Variants in ZNF507 observed in about 807,000 individuals in gnomAD.
The protein encoded by ZNF507 is zinc finger protein 507.
In ZNF507, 29 loss-of-function variants were observed where a neutral mutation model predicts 80.0. That is an observed-to-expected ratio of 0.36 (90% CI 0.27 to 0.49). The LOEUF is 0.49. Among genes scored for constraint, ZNF507 ranks in the 20% least tolerant of loss-of-function variants. The pLI is 0.98. For synonymous variants in ZNF507, 462 were observed against 422.5 expected, an observed-to-expected ratio of 1.09 and a Z score of -1.15; for missense variants, 1,081 against 1,152.2, an observed-to-expected ratio of 0.94 and a Z score of 0.90.
chr19:32,354,692 G>A lies in ZNF507; in HGVS notation c.1862G>A (p.Ser621Asn), dbSNP rs148516792. The change falls in exon 3 of 7, where the codon AGC becomes AAC. Residue 621 changes from serine to asparagine, a missense_variant. Coordinates refer to ENST00000355898, the MANE Select transcript of ZNF507 (RefSeq NM_001136156.2). Reference protein sequence around the residue: ...LQDNAQCQPNSDTSLSGNNVV... With the variant: ...LQDNAQCQPNNDTSLSGNNVV... ...GACAACGCCCAGTGCCAACCCAACA[G>A]CGATACAAGTTTGTCCGGAAACAAT... 404 of 1,614,176 alleles carry A rather than the reference G, an allele frequency of 2.5e-4. No individual in the cohort carries two copies. Among genetic ancestry groups the A allele is most frequent in the Admixed American group, 4.5e-4 (27 of 60,026 alleles).
chr19:32,378,855 G>A (rs1568309970), intron 5 of ZNF507, among the ~76,000 whole-genome samples: 1 of 152,132 alleles, frequency 6.6e-6, no homozygotes, highest in African/African-American at 2.4e-5. Context: ...TTCTGGTGAG[G>A]CCTCGGGACC....
rs188238472 is a variant in ZNF507 at position 32,352,746 on chromosome 19, A to G, written c.-2-83A>G. The G allele has an allele frequency of 2.6e-4, 325 of 1,250,302 alleles. 1 individual carries two copies. The African/African-American group carries it at 4.5e-3, about 17-fold the overall frequency. 77.5% of individuals were successfully genotyped at this position (1,250,302 alleles called of 1,614,324 possible). On this transcript the variant is annotated intron_variant, in intron 2 of 6. Coordinates refer to ENST00000355898, the MANE Select transcript of ZNF507 (RefSeq NM_001136156.2). Reference sequence around the variant, plus strand: ...ATACTTAGATGAGATTACAGACACTAACATTCTCTTATATTTTCCAAATTA... The same window carrying G: ...ATACTTAGATGAGATTACAGACACTGACATTCTCTTATATTTTCCAAATTA...
Position 32,387,047 on chromosome 19 carries a change from T to C in ZNF507, c.*3964T>C, listed in dbSNP as rs1003682910. ...CACGAAGATAAACTGAATAAGCATT[T>C]AGCTTTTTAAATCATTTTAAAAATT... On this transcript the variant is annotated 3_prime_UTR_variant, in exon 7 of 7. Coordinates refer to ENST00000355898, the MANE Select transcript of ZNF507 (RefSeq NM_001136156.2). The C allele has an allele frequency of 6.6e-6, 1 of 152,246 alleles. No individual in the cohort carries two copies. The highest frequency in any genetic ancestry group is 2.4e-5 in the African/African-American group (1 of 41,478). The allele number at this position is 152,246 out of a possible 1,614,324, so 9.4% of individuals were successfully genotyped here. A position where few individuals can be genotyped will look rare whatever the true frequency, so the allele number is the denominator to read the frequency against.
chr19:32,362,831 G>A (rs993514212), intron 5 of ZNF507, among the ~76,000 whole-genome samples: 4 of 152,180 alleles, frequency 2.6e-5, no homozygotes, highest in South Asian at 2.1e-4. Context: ...TTGTCACTGG[G>A]TTTGGTGTGG....
Position 32,387,139 on chromosome 19 carries a change from A to C in ZNF507, c.*4056A>C, listed in dbSNP as rs754186193. The C allele has an allele frequency of 2.6e-5, 4 of 152,174 alleles. No homozygotes were observed. The highest frequency in any genetic ancestry group is 5.9e-5 in the Non-Finnish European group (4 of 68,030). The allele number at this position is 152,174 out of a possible 1,614,324, so 9.4% of individuals were successfully genotyped here. On this transcript the variant is annotated 3_prime_UTR_variant, in exon 7 of 7. Transcript: ENST00000355898. ...TTTCTCTTCCAAATGTGACACGCTT[A>C]TATGCTTTCAATTCTGATATAGTCA...
rs1411568386 is a variant in ZNF507, at chr19:32,354,901, C to T, written c.2071C>T (p.His691Tyr). Residue 691 changes from histidine to tyrosine, a missense_variant, in exon 3 of 7, where the codon CAC becomes TAC. His to Tyr is a moderately conservative substitution (Grantham distance 83). This residue lies in a region of ZNF507 where 614 missense variants were observed against 583.9 expected (regional missense o/e 1.05). Transcript: ENST00000355898. ...AGATTTGGAGAGTCACATGATCCAC[C>T]ACTGTAAGACAAGAATATACCAGTG... ...SKDLESHMIH[H>Y]CKTRIYQCKQ... is the part of the protein sequence containing the mutation. 1 of 1,614,032 alleles carries T rather than the reference C, an allele frequency of 6.2e-7. No individual in the cohort carries two copies.
At position 32,353,375 on chromosome 19, in the gene ZNF507, C is replaced by T. The variant is rs778559154; in HGVS notation, c.545C>T (p.Ala182Val). The change falls in exon 3 of 7, where the codon GCC (alanine) becomes GTC (valine). Residue 182 changes from alanine (A) to valine (V), a missense_variant. Ala to Val is a moderately conservative substitution (Grantham distance 64). This residue lies in a region of ZNF507 where 275 missense variants were observed against 303.9 expected (regional missense o/e 0.90). Transcript: ENST00000355898. ...AHVVNDHDNDANIHTQSKAQQ... is the reference protein window; with the variant it reads ...AHVVNDHDNDVNIHTQSKAQQ... Reference sequence around the variant, plus strand: ...GTGGTGAATGACCATGACAATGATGCCAATATCCACACCCAATCCAAAGCC... The same window carrying T: ...GTGGTGAATGACCATGACAATGATGTCAATATCCACACCCAATCCAAAGCC... The T allele has an allele frequency of 6.2e-7, 1 of 1,614,180 alleles. No individual in the cohort carries two copies. Among genetic ancestry groups the T allele is most frequent in the South Asian group, 1.1e-5 (1 of 91,078 alleles).
At chr19:32,360,387 G>A (rs973245062) in intron 4 of ZNF507, 117 bp from the exon 5 acceptor site, 50 of 501,472 alleles carry the variant, frequency 1.0e-4, no homozygotes, top group South Asian at 1.5e-4. Context: ...TGAGAAAGCC[G>A]TGATTGAAAT....
rs1797868169 is a variant in ZNF507, at chr19:32,349,744, C to T, written c.-3+2406C>T. On this transcript the variant is annotated intron_variant, in intron 2 of 6. Transcript: ENST00000355898. The stretch of plus-strand genomic sequence containing the variant: ...AAGGATTGGCCTTAAGGTAACTTCC[C>T]CTCTGTGTATACTTTATTATGATCT... Among the ~76,000 whole-genome samples, 4 of 152,106 alleles carry T rather than the reference C, an allele frequency of 2.6e-5. No individual in the cohort carries two copies. In the South Asian group the frequency reaches 6.2e-4, roughly 24 times the overall value.
At chr19:32,348,285 C>T (rs1413951177) in intron 2 of ZNF507, among the ~76,000 whole-genome samples, 1 of 143,794 alleles carries the variant, frequency 7.0e-6, no homozygotes, top group Non-Finnish European at 1.5e-5. Flanking sequence ...ATTTATTGGC[C>T]ATTACTTTTA....
rs1967212313 is a variant in ZNF507 at position 32,354,062 on chromosome 19, A to G, written c.1232A>G (p.Gln411Arg). ...CCAAGTGCTGAAGAAACCCTTTCAC[A>G]GAAGCGCTTCCTCATGAACACTGAA... The part of the protein sequence containing the change: ...RLPSAEETLS[Q>R]KRFLMNTEME... Residue 411 changes from glutamine (Q) to arginine (R), a missense_variant, in exon 3 of 7, where the codon CAG becomes CGG. By Grantham distance (43) the Gln-to-Arg change is conservative (BLOSUM62 1). Transcript: ENST00000355898. 2 of 1,614,160 alleles carry G rather than the reference A, an allele frequency of 1.2e-6. No individual in the cohort carries two copies. The highest frequency in any genetic ancestry group is 8.5e-7 in the Non-Finnish European group (1 of 1,180,036).
chr19:32,367,443 C>T (rs547936489), intron 5 of ZNF507, among the ~76,000 whole-genome samples: 1 of 152,150 alleles, frequency 6.6e-6, no homozygotes, highest in African/African-American at 2.4e-5. Flanking sequence ...CTTTGTGGGG[C>T]GTATTGCAGA....
In ZNF507 at chr19:32,377,713, G is replaced by A. The variant is rs1056083877; in HGVS notation, c.2361-4754G>A. 4.1e-4 allele frequency among the ~76,000 whole-genome samples: 63 copies of A among 152,280 alleles called. 1 individual carries two copies. The highest frequency in any genetic ancestry group is 1.2e-4 in the Non-Finnish European group (8 of 68,028). On this transcript the variant is annotated intron_variant, in intron 5 of 6. Coordinates refer to ENST00000355898, the MANE Select transcript of ZNF507 (RefSeq NM_001136156.2). ...CACACCCCATGCAAAAGAATTCCAT[G>A]TAATTGACGTAGATACCCCTCCCTC...
At position 32,384,428 on chromosome 19, in the gene ZNF507, G is replaced by GT. The variant is rs1460794199; in HGVS notation, c.*1348dup. 6.6e-6 allele frequency: 1 copy of GT among 152,120 alleles called. No individual in the cohort carries two copies. Among genetic ancestry groups the GT allele is most frequent in the African/African-American group, 2.4e-5 (1 of 41,434 alleles). The allele number at this position is 152,120 out of a possible 1,614,324, so 9.4% of individuals were successfully genotyped here. On this transcript the variant is annotated 3_prime_UTR_variant, in exon 7 of 7. Coordinates refer to ENST00000355898, the MANE Select transcript of ZNF507 (RefSeq NM_001136156.2). ...TGATTACTCATTTATGCATTGTTTT[G>GT]TTTAAGTAAATTCTGCCTACAAGTG...
chr19:32,350,536 T>G (rs1196168974), intron 2 of ZNF507, among the ~76,000 whole-genome samples: 1 of 152,214 alleles, frequency 6.6e-6, no homozygotes. Flanking sequence ...CTTCTCTTCA[T>G]TTCACTTTCT....
intron 2 of ZNF507, among the ~76,000 whole-genome samples, chr19:32,349,661 A>G (rs1214172905): frequency 6.6e-6 from 1 of 152,222 alleles, no homozygotes; most frequent in Non-Finnish European, 1.5e-5. Context: ...ACATATTTGT[A>G]TTTCTGCATT....
In ZNF507 at chr19:32,356,740, A is replaced by G. The variant is rs368406949; in HGVS notation, c.2245+7A>G. 20 of 1,607,600 alleles carry G rather than the reference A, an allele frequency of 1.2e-5. No individual in the cohort carries two copies. The Admixed American group carries it at 2.2e-4, about 17-fold the overall frequency. On this transcript the variant is annotated splice_region_variant and intron_variant, in intron 4 of 6. Transcript: ENST00000355898. ...GGAAAATGTGTCCAGGAAGGTATCTATGTATTTTGTTATGCAGGCTGCAGT... is the reference window on the plus strand; with the variant it reads ...GGAAAATGTGTCCAGGAAGGTATCTGTGTATTTTGTTATGCAGGCTGCAGT...
chr19:32,374,052 T>C (rs1399155660), intron 5 of ZNF507, among the ~76,000 whole-genome samples: 2 of 152,190 alleles, frequency 1.3e-5, no homozygotes, highest in Non-Finnish European at 2.9e-5. Context: ...TACTCACAGT[T>C]CGTATTCCCA....
chr19:32,375,008 A>G (rs1297429240), intron 5 of ZNF507, among the ~76,000 whole-genome samples: 1 of 152,136 alleles, frequency 6.6e-6, no homozygotes, highest in African/African-American at 2.4e-5. Flanking sequence ...TTTTATTAGG[A>G]ATGTATATTG....
Sources: gnomAD v4.1 joint callset for allele counts (sites outside exome capture counted in the v4.1 genomes callset) on GRCh38, gnomAD v4.1.1 for gene constraint, gnomAD v4.1.1 regional missense constraint, MANE v1.5 for transcripts, NCBI Gene and HGNC (gene_info 2026-07-23, HGNC 2026-07-21) for gene names.